The following MAPRE3 variants were observed in gnomAD, a reference collection of about 807,000 sequenced individuals.
The protein encoded by MAPRE3 is microtubule associated protein RP/EB family member 3, also known as microtubule-associated protein RP/EB family member 3.
MAPRE3 carries 2 observed loss-of-function variants against 30.5 expected under a neutral mutation model. The ratio of observed to expected loss-of-function variants is 0.07; its 90% CI spans 0.03 to 0.21. The LOEUF (loss-of-function observed/expected upper bound fraction) is 0.21. Ranked by LOEUF, MAPRE3 falls within the 10% of genes least tolerant of loss-of-function variation. The pLI, the probability that MAPRE3 is intolerant of heterozygous loss-of-function variation, is 1.00. For synonymous variants in MAPRE3, 110 were observed against 127.7 expected, an observed-to-expected ratio of 0.86 and a Z score of 0.93; for missense variants, 204 against 351.8, an observed-to-expected ratio of 0.58 and a Z score of 3.36.
At chr2:26,982,214 T>C (rs1666128464) in intron 1 of MAPRE3, among the ~76,000 whole-genome samples, 1 of 152,230 alleles carries the variant, frequency 6.6e-6, no homozygotes, top group Non-Finnish European at 1.5e-5. Context: ...TGACCCTGTC[T>C]AACACCCTGG....
chr2:26,971,215 T>A (rs1404673792), intron 1 of MAPRE3, among the ~76,000 whole-genome samples: 1 of 152,166 alleles, frequency 6.6e-6, no homozygotes, highest in Admixed American at 6.5e-5. Context: ...TCCCCAGTGA[T>A]GTGCCAGAAA....
At chr2:27,016,182 A>G (rs557798084) in intron 1 of MAPRE3, among the ~76,000 whole-genome samples, 1 of 152,230 alleles carries the variant, frequency 6.6e-6, no homozygotes, top group Admixed American at 6.5e-5. Context: ...CCACAATCCA[A>G]TCAGGGTCTG....
At chr2:27,009,452 C>T (rs897469444) in intron 1 of MAPRE3, among the ~76,000 whole-genome samples, 1 of 152,186 alleles carries the variant, frequency 6.6e-6, no homozygotes, top group Admixed American at 6.5e-5. Flanking sequence ...ATATAAAATC[C>T]TCTGCAGAAT....
At chr2:27,022,522 C>T (rs750022436) in intron 2 of MAPRE3, 183 bp downstream of exon 2, 28 of 772,944 alleles carry the variant, frequency 3.6e-5, no homozygotes, top group Non-Finnish European at 5.3e-5. Flanking sequence ...TTTACACAAA[C>T]CTGGATGGTG....
chr2:26,987,579 A>G (rs1666250501), intron 1 of MAPRE3, among the ~76,000 whole-genome samples: 1 of 152,184 alleles, frequency 6.6e-6, no homozygotes, highest in South Asian at 2.1e-4. Context: ...CGGAGGTTGC[A>G]GTGAGCCGAG....
At chr2:27,000,852 GT>G (rs1289898547) in intron 1 of MAPRE3, among the ~76,000 whole-genome samples, 1 of 152,226 alleles carries the variant, frequency 6.6e-6, no homozygotes, top group African/African-American at 2.4e-5. Context: ...CCTTAAAGTA[GT>G]TATCTTGGCA....
rs1156264237 is a variant in MAPRE3 at position 26,971,236 on chromosome 2, G to A, written c.-8+434G>A. ...GTGATGTGCCAGAAAAAGAGTGACA[G>A]GAGAGCGAGGGGAGACTTGGGGGAG... On this transcript the variant is annotated intron_variant, in intron 1 of 6. Transcript: ENST00000233121. Among the ~76,000 whole-genome samples the A allele has an allele frequency of 2.6e-5, 4 of 152,354 alleles. No homozygotes were observed. The South Asian group carries it at 8.3e-4, about 32-fold the overall frequency.
At chr2:27,008,492 T>C (rs1446310145) in intron 1 of MAPRE3, among the ~76,000 whole-genome samples, 1 of 152,170 alleles carries the variant, frequency 6.6e-6, no homozygotes, top group African/African-American at 2.4e-5. Context: ...GAATTTGGAT[T>C]TTTTGGAGGG....
intron 1 of MAPRE3, among the ~76,000 whole-genome samples, chr2:27,007,902 C>T (rs1666766623): frequency 6.6e-6 from 1 of 152,202 alleles, no homozygotes; most frequent in African/African-American, 2.4e-5. Flanking sequence ...CCTCAAGGTC[C>T]TGAGCAGATG....
chr2:26,992,887 G>C (rs1666375705), intron 1 of MAPRE3, among the ~76,000 whole-genome samples: 1 of 152,132 alleles, frequency 6.6e-6, no homozygotes, highest in Non-Finnish European at 1.5e-5. Context: ...ATAATGTGTT[G>C]CTTCTCTCCT....
At chr2:27,005,009 T>G (rs1175263713) in intron 1 of MAPRE3, among the ~76,000 whole-genome samples, 1 of 152,192 alleles carries the variant, frequency 6.6e-6, no homozygotes, top group African/African-American at 2.4e-5. Context: ...AAAAAAATAC[T>G]TCTCTTTCAA....
At chr2:27,004,966 C>T (rs1264121114) in intron 1 of MAPRE3, among the ~76,000 whole-genome samples, 1 of 152,032 alleles carries the variant, frequency 6.6e-6, no homozygotes, top group Non-Finnish European at 1.5e-5. Context: ...TGTTCTCCCT[C>T]ACTAGTAATC....
intron 2 of MAPRE3, chr2:27,022,625 G>T: frequency 2.9e-6 from 1 of 344,412 alleles, no homozygotes. Context: ...ACTGCAGACA[G>T]TTTTAACACA....
At chr2:26,987,854 A>G (rs1217368717) in intron 1 of MAPRE3, among the ~76,000 whole-genome samples, 2 of 152,214 alleles carry the variant, frequency 1.3e-5, no homozygotes, top group East Asian at 1.9e-4. Context: ...GTGAAACACT[A>G]TGAGAAATTA....
At position 27,022,256 on chromosome 2, in the gene MAPRE3, A is replaced by G. The variant is rs1058547; in HGVS notation, c.38A>G (p.Glu13Gly). 1.2e-6 allele frequency: 2 copies of G among 1,614,102 alleles called. No individual in the cohort carries two copies. The highest frequency in any genetic ancestry group is 1.7e-6 in the Non-Finnish European group (2 of 1,180,050). The change falls in exon 2 of 7, where the codon GAA becomes GGA. Residue 13 changes from glutamate to glycine, a missense_variant. This residue lies in a region of MAPRE3 where 101 missense variants were observed against 205.4 expected (regional missense o/e 0.49). Transcript: ENST00000233121. The stretch of plus-strand genomic sequence containing the variant: ...GTGTACTCCACATCTGTGACCAGTG[A>G]AAATCTGAGTCGCCATGATATGCTT... ...VNVYSTSVTS[E>G]NLSRHDMLAW...
In MAPRE3 at chr2:26,986,739, C is replaced by T. The variant is rs1025132273; in HGVS notation, c.-8+15937C>T. 6.6e-6 allele frequency: 1 copy of T among 152,280 alleles called. No individual in the cohort carries two copies. Among genetic ancestry groups the T allele is most frequent in the Non-Finnish European group, 1.5e-5 (1 of 68,116 alleles). The allele number at this position is 152,280 out of a possible 1,614,324, so 9.4% of individuals were successfully genotyped here. On this transcript the variant is annotated intron_variant, in intron 1 of 6. Coordinates refer to ENST00000233121, the MANE Select transcript of MAPRE3 (RefSeq NM_012326.4). This position sits in a 1 kb window ranked among gnomAD's most constrained non-coding sequence, Gnocchi z 4.2. ...AAGGGTATTCCGTGCAGCCATCAAT[C>T]ATAGCACTGGTGCCTGTGGAGACAC...
chr2:27,023,649 C>A (rs1667161848), intron 3 of MAPRE3, 172 bp downstream of exon 3: 4 of 707,402 alleles, frequency 5.7e-6, no homozygotes, highest in Non-Finnish European at 9.7e-6. Flanking sequence ...AATGGAAAAG[C>A]CCACAACACT....
intron 1 of MAPRE3, chr2:27,003,179 A>G (rs1666642236): frequency 6.5e-6 from 1 of 152,676 alleles, no homozygotes; most frequent in African/African-American, 2.4e-5. Flanking sequence ...GGAGTCAGCC[A>G]TGGGTGAGAC....
chr2:27,012,477 A>G (rs1277332798), intron 1 of MAPRE3: 1 of 152,248 alleles, frequency 6.6e-6, no homozygotes, highest in Non-Finnish European at 1.5e-5. Flanking sequence ...AAATTGAGGT[A>G]ACAACTCAAA....
Sources: allele counts gnomAD v4.1 joint callset (sites outside exome capture counted in the v4.1 genomes callset), GRCh38; gene constraint gnomAD v4.1.1; regional missense constraint gnomAD v4.1.1; non-coding constraint Gnocchi (gnomAD v3.1); transcripts MANE v1.5; gene names NCBI Gene and HGNC (gene_info 2026-07-23, HGNC 2026-07-21).